The following IGFL2 variants were observed in gnomAD, a reference collection of about 807,000 sequenced individuals.
IGFL2 encodes insulin growth factor-like family member 2.
A neutral mutation model predicts 13.9 loss-of-function variants in IGFL2; 7 were observed. The ratio of observed to expected loss-of-function variants is 0.51; its 90% CI spans 0.29 to 0.95. The LOEUF (loss-of-function observed/expected upper bound fraction) is 0.95, where lower values mean the gene tolerates loss of function less well. IGFL2 is among the 40% of genes least tolerant of loss of function. The pLI, the probability that IGFL2 is intolerant of heterozygous loss-of-function variation, is 0.08. For synonymous variants in IGFL2, 55 were observed against 55.8 expected (o/e 0.99, Z 0.07); for missense variants, 138 against 147.8 (o/e 0.93, Z 0.34).
chr19:46,094,994 G>A, the IGFL2 span, among the ~76,000 whole-genome samples: 3 of 152,110 alleles, frequency 2.0e-5, no homozygotes, highest in Non-Finnish European at 4.4e-5. Flanking sequence ...AAACATACAT[G>A]TGCATGTATC....
the IGFL2 span, chr19:46,180,637 C>T: frequency 1.3e-5 from 2 of 152,300 alleles, no homozygotes; most frequent in African/African-American, 4.8e-5. Flanking sequence ...CAATAGGCAT[C>T]TGCAAGCTGA....
chr19:46,149,934 C>G (rs753548813), intron 1 of IGFL2, among the ~76,000 whole-genome samples: 8 of 152,178 alleles, frequency 5.3e-5, no homozygotes, highest in East Asian at 1.9e-4. Flanking sequence ...TTCTGTTTAA[C>G]TTTTTGAGGA....
upstream of IGFL2, among the ~76,000 whole-genome samples, chr19:46,140,151 C>T (rs1022503870): frequency 1.3e-5 from 2 of 151,764 alleles, no homozygotes; most frequent in Admixed American, 6.6e-5. Flanking sequence ...GGTTTCACCA[C>T]GTTGGCCAGG....
the IGFL2 span, among the ~76,000 whole-genome samples, chr19:46,136,075 C>T: frequency 6.6e-6 from 1 of 152,110 alleles, no homozygotes; most frequent in Non-Finnish European, 1.5e-5. Flanking sequence ...TGGGGATGGT[C>T]CTCATGTATA....
At chr19:46,116,834 C>T in the IGFL2 span, among the ~76,000 whole-genome samples, 1 of 152,130 alleles carries the variant, frequency 6.6e-6, no homozygotes, top group Non-Finnish European at 1.5e-5. Context: ...TACCCATTAC[C>T]TTGCTTATTA....
At chr19:46,168,468 T>A in the IGFL2 span, among the ~76,000 whole-genome samples, 1 of 152,200 alleles carries the variant, frequency 6.6e-6, no homozygotes, top group Non-Finnish European at 1.5e-5. Flanking sequence ...GTCATACTCC[T>A]CCCTTTGAGC....
At chr19:46,149,523 T>C (rs1364705427) in intron 1 of IGFL2, among the ~76,000 whole-genome samples, 1 of 151,598 alleles carries the variant, frequency 6.6e-6, no homozygotes, top group Non-Finnish European at 1.5e-5. Context: ...CCCATTTAGC[T>C]GTTCCTCTCT....
chr19:46,160,805 G>T lies in IGFL2; in HGVS notation c.265G>T (p.Asp89Tyr), dbSNP rs866490588. 1 of 1,613,908 alleles carries T rather than the reference G, an allele frequency of 6.2e-7. No homozygotes were observed. The highest frequency in any genetic ancestry group is 1.7e-5 in the Admixed American group (1 of 60,004). ...TCTTGATTCCTTTGGCCTCACAAAC[G>T]ATTTTGTTGTGAAGCTGAAGGTTCA... ...CCLDSFGLTN[D>Y]FVVKLKVQGV... is the part of the protein sequence containing the mutation. Residue 89 changes from aspartate to tyrosine, a missense_variant, in exon 3 of 4, where the codon GAT becomes TAT. Transcript: ENST00000377693.
At chr19:46,177,936 A>T in the IGFL2 span, among the ~76,000 whole-genome samples, 2 of 152,288 alleles carry the variant, frequency 1.3e-5, no homozygotes, top group African/African-American at 2.4e-5. Flanking sequence ...CTTGTGTTCA[A>T]TCCCTTCCCT....
At chr19:46,089,332 ATC>A in the IGFL2 span, among the ~76,000 whole-genome samples, 2 of 152,212 alleles carry the variant, frequency 1.3e-5, no homozygotes, top group Non-Finnish European at 2.9e-5. Flanking sequence ...TATGTCGCAT[ATC>A]TCTTAACAAA....
chr19:46,165,427 T>C (rs1974353000), downstream of IGFL2, among the ~76,000 whole-genome samples: 1 of 152,218 alleles, frequency 6.6e-6, no homozygotes, highest in Non-Finnish European at 1.5e-5. Flanking sequence ...GCAGGTTGGC[T>C]GAAGGACACC....
chr19:46,086,236 G>A, the IGFL2 span, among the ~76,000 whole-genome samples: 2,050 of 151,880 alleles, frequency 0.013, 31 homozygotes, highest in Middle Eastern at 0.027. Context: ...TTCTAATATT[G>A]TTGGTTTTTT....
upstream of IGFL2, among the ~76,000 whole-genome samples, chr19:46,144,497 A>G (rs545647868): frequency 8.0e-4 from 122 of 152,278 alleles, 2 homozygotes; most frequent in Middle Eastern, 0.017. Context: ...ATATCATATC[A>G]AATATACTTA....
the IGFL2 span, among the ~76,000 whole-genome samples, chr19:46,204,601 G>T: frequency 9.2e-5 from 14 of 152,196 alleles, no homozygotes; most frequent in Non-Finnish European, 1.5e-5. Context: ...TCCCTAAACA[G>T]TGACAACACA....
At chr19:46,182,201 T>C in the IGFL2 span, among the ~76,000 whole-genome samples, 1 of 151,886 alleles carries the variant, frequency 6.6e-6, no homozygotes, top group East Asian at 1.9e-4. Flanking sequence ...ACCCCGTCTC[T>C]ACTAAAAATA....
chr19:46,158,570 G>T (rs531428590), intron 1 of IGFL2, among the ~76,000 whole-genome samples: 92 of 152,116 alleles, frequency 6.0e-4, no homozygotes, highest in African/African-American at 2.1e-3. Flanking sequence ...GGTGGGTATA[G>T]ACAAGATTCT....
the IGFL2 span, among the ~76,000 whole-genome samples, chr19:46,184,264 C>CT: frequency 1.3e-4 from 19 of 150,656 alleles, no homozygotes; most frequent in African/African-American, 2.7e-4. Flanking sequence ...TTTCCTTTTT[C>CT]TTTTTTTTTT....
chr19:46,141,928 C>T (rs1191401853), upstream of IGFL2, among the ~76,000 whole-genome samples: 3 of 152,252 alleles, frequency 2.0e-5, no homozygotes, highest in East Asian at 3.9e-4. Context: ...GTATCCTTCT[C>T]CTCCTTTTAC....
chr19:46,128,666 G>A, the IGFL2 span, among the ~76,000 whole-genome samples: 1 of 152,110 alleles, frequency 6.6e-6, no homozygotes, highest in Non-Finnish European at 1.5e-5. Context: ...TGCATATGTT[G>A]AACCAACCTT....
Sources: gnomAD v4.1 joint callset for allele counts (sites outside exome capture counted in the v4.1 genomes callset) on GRCh38, gnomAD v4.1.1 for gene constraint, MANE v1.5 for transcripts, NCBI Gene and HGNC (gene_info 2026-07-23, HGNC 2026-07-21) for gene names.